KEL: variants seen among roughly 807,000 people sequenced by gnomAD.
KEL encodes the protein Kell metallo-endopeptidase (Kell blood group).
Under a neutral mutation model 99.5 loss-of-function variants are expected in KEL, and 96 were observed. The ratio of observed to expected loss-of-function variants is 0.97; its 90% CI spans 0.82 to 1.14. KEL has a LOEUF of 1.14. KEL is among the 50% of genes most tolerant of loss of function. KEL has a pLI of 0.00. For missense variants in KEL, 926 were observed against 924.2 expected, an observed-to-expected ratio of 1.00 and a Z score of -0.03; for synonymous variants, 355 against 354.8, an observed-to-expected ratio of 1.00 and a Z score of -0.01.
Position 142,954,199 on chromosome 7 carries a change from A to G in KEL, c.909T>C (p.Thr303=), listed in dbSNP as rs768701059. The change falls in exon 8 of 19, where the codon ACT becomes ACC. Residue 303 remains threonine, a synonymous_variant. Coordinates refer to ENST00000355265, the MANE Select transcript of KEL (RefSeq NM_000420.3). ...RAQGKLFQMV[T]IDQLKEMAPA... The stretch of plus-strand genomic sequence containing the variant: ...TTCCAGGCACCTTGAGCTGGTCGAT[A>G]GTGACCATCTGGAAGAGCTTGCCCT... 19 of 1,611,004 alleles carry G rather than the reference A, an allele frequency of 1.2e-5. No homozygotes were observed. The highest frequency in any genetic ancestry group is 1.6e-5 in the Non-Finnish European group (19 of 1,179,984).
At chr7:142,952,670 C>A (rs1487480263) in intron 9 of KEL, 32 bp from the exon 10 acceptor site, 1 of 1,613,160 alleles carries the variant, frequency 6.2e-7, no homozygotes, top group Non-Finnish European at 8.5e-7. Flanking sequence ...ACACATATAC[C>A]CCAGGAATCT....
At chr7:142,957,386 A>G (rs1056771736) in intron 6 of KEL, among the ~76,000 whole-genome samples, 9 of 152,102 alleles carry the variant, frequency 5.9e-5, no homozygotes, top group Non-Finnish European at 8.8e-5. Flanking sequence ...GGTGCTTGCA[A>G]AGCTTTACTA....
intron 18 of KEL, 111 bp downstream of exon 18, chr7:142,942,323 A>C (rs1796380553): frequency 1.3e-6 from 1 of 741,814 alleles, no homozygotes; most frequent in Admixed American, 2.0e-5. Flanking sequence ...TCTGCAGAAG[A>C]GGGTTTGGGG....
intron 12 of KEL, 66 bp from the exon 13 acceptor site, chr7:142,944,466 C>T (rs1004058043): frequency 9.4e-6 from 13 of 1,376,874 alleles, no homozygotes; most frequent in Middle Eastern, 1.8e-4. Context: ...TTCTCCCACT[C>T]GTTGCCCTGT....
rs200975047 is a variant in KEL, at chr7:142,961,411, G to A, written c.172C>T (p.Leu58Phe). 582 of 1,613,612 alleles carry A rather than the reference G, an allele frequency of 3.6e-4. 4 individuals carry two copies. The highest frequency in any genetic ancestry group is 2.2e-4 in the Admixed American group (13 of 60,010). Reference sequence around the variant, plus strand: ...AACAAAAGCACAGAAAAACAAAGGAGCAGGCCCAAAATCAGGATAGCTGTC... The same window carrying A: ...AACAAAAGCACAGAAAAACAAAGGAACAGGCCCAAAATCAGGATAGCTGTC... The part of the protein sequence containing the change: ...VLTAILILGL[L>F]LCFSVLLFYN... Residue 58 changes from leucine (L) to phenylalanine (F), a missense_variant, in exon 3 of 19, where the codon CTC (leucine) becomes TTC (phenylalanine). Physicochemically the swap from Leu to Phe is conservative, Grantham distance 22. Transcript: ENST00000355265.
chr7:142,956,666 C>T (rs1304697285), intron 6 of KEL, among the ~76,000 whole-genome samples: 1 of 152,164 alleles, frequency 6.6e-6, no homozygotes, highest in African/African-American at 2.4e-5. Flanking sequence ...AGCTTCACCT[C>T]CACTTGTGTG....
In KEL at chr7:142,953,655, C is replaced by T. The variant is rs8175997; in HGVS notation, c.1073+153G>A. Among the ~76,000 whole-genome samples the T allele has an allele frequency of 4.4e-3, 664 of 152,256 alleles. 7 individuals are homozygous for T. Among genetic ancestry groups the T allele is most frequent in the African/African-American group, 0.015 (630 of 41,544 alleles). Reference sequence around the variant, plus strand: ...CATCCTCTCTGTGCCACCCACCCCACGCTTCTCTGCCCGCACAGGTGGCAG... The same window carrying T: ...CATCCTCTCTGTGCCACCCACCCCATGCTTCTCTGCCCGCACAGGTGGCAG... On this transcript the variant is annotated intron_variant, in intron 9 of 18. Transcript: ENST00000355265.
chr7:142,953,674 G>A, intron 9 of KEL, 134 bp downstream of exon 9: 2 of 1,038,002 alleles, frequency 1.9e-6, no homozygotes. Flanking sequence ...GCCCGCACAG[G>A]TGGCAGGTTC....
rs1473126491 is a variant in KEL at position 142,954,241 on chromosome 7, C to T, written c.867G>A (p.Leu289=). ...GCTTGCCCTGTGCCCGCCGCTGCTCCAGGGGCCTCAGAAACTGGAACAGCC... is the reference window on the plus strand; with the variant it reads ...GCTTGCCCTGTGCCCGCCGCTGCTCTAGGGGCCTCAGAAACTGGAACAGCC... The part of the protein sequence containing the change: ...TSRLFQFLRP[L]EQRRAQGKLF... Residue 289 remains leucine (L), a synonymous_variant, in exon 8 of 19, where the codon CTG becomes CTA. Transcript: ENST00000355265. The T allele has an allele frequency of 2.5e-6, 4 of 1,613,918 alleles. No individual in the cohort carries two copies. The highest frequency in any genetic ancestry group is 3.4e-6 in the Non-Finnish European group (4 of 1,180,020).
chr7:142,951,271 T>A (rs1159396016), intron 10 of KEL, among the ~76,000 whole-genome samples: 1 of 152,204 alleles, frequency 6.6e-6, no homozygotes, highest in Non-Finnish European at 1.5e-5. Flanking sequence ...AGAAGTGCCA[T>A]GAGGCCATGG....
rs201447196 is a variant in KEL, at chr7:142,961,453, C to G, written c.130G>C (p.Val44Leu). The G allele has an allele frequency of 6.2e-7, 1 of 1,612,002 alleles. No homozygotes were observed. The highest frequency in any genetic ancestry group is 2.2e-5 in the East Asian group (1 of 44,830). Residue 44 changes from valine (V) to leucine (L), a missense_variant, in exon 3 of 19, where the codon GTG becomes CTG. Transcript: ENST00000355265. Reference sequence around the variant, plus strand: ...ATAGCTGTCAGCACCCGCCTGGCCACTGCCCATGGCCTGCTCCCTTCCACG... The same window carrying G: ...ATAGCTGTCAGCACCCGCCTGGCCAGTGCCCATGGCCTGCTCCCTTCCACG... Reference protein sequence around the residue: ...LPVEGSRPWAVARRVLTAILI... With the variant: ...LPVEGSRPWALARRVLTAILI...
rs759629874 is a variant in KEL, at chr7:142,961,865, C to T, written c.11G>A (p.Gly4Glu). ...CCTCGGCTCTTCCTCACTTTGGTCC[C>T]CACCTTCCTGAAGTGAGTGGAGGGA... is the stretch of plus-strand genomic sequence containing the variant. MEG[G>E]DQSEEEPRER... The change falls in exon 2 of 19, where the codon GGG (glycine) becomes GAG (glutamate). Residue 4 changes from glycine to glutamate, a missense_variant. Physicochemically the swap from Gly to Glu is moderately conservative, Grantham distance 98. Transcript: ENST00000355265. 3.7e-6 allele frequency: 6 copies of T among 1,614,080 alleles called. No individual in the cohort carries two copies. In the East Asian group the frequency reaches 1.1e-4, roughly 30 times the overall value.
intron 17 of KEL, 89 bp from the exon 18 acceptor site, chr7:142,942,618 C>A: frequency 9.8e-7 from 1 of 1,021,834 alleles, no homozygotes; most frequent in Non-Finnish European, 1.5e-6. Flanking sequence ...AACCCATGGC[C>A]CTTGCTCACT....
At chr7:142,955,546 A>C (rs1796809277) in intron 6 of KEL, among the ~76,000 whole-genome samples, 1 of 152,184 alleles carries the variant, frequency 6.6e-6, no homozygotes, top group Non-Finnish European at 1.5e-5. Context: ...ATAAAATACT[A>C]TTTATCATGA....
intron 11 of KEL, 55 bp downstream of exon 11, chr7:142,946,152 C>G: frequency 8.0e-7 from 1 of 1,257,808 alleles, no homozygotes. Context: ...AGAGGGAAGG[C>G]TGCTTTGGGT....
rs781359849 is a variant in KEL at position 142,942,992 on chromosome 7, G to T, written c.1824C>A (p.His608Gln). Residue 608 changes from histidine to glutamine, a missense_variant, in exon 17 of 19, where the codon CAC (histidine) becomes CAA (glutamine). Transcript: ENST00000355265. ...ACDNHALQEA[H>Q]LCLKRHYAAF... is the part of the protein sequence containing the mutation. ...CAGCATAATGGCGCTTCAGGCACAG[G>T]TGAGCTTCCTGGAGGGCATGGTTGT... 2.5e-6 allele frequency: 4 copies of T among 1,614,186 alleles called. No individual in the cohort carries two copies. The highest frequency in any genetic ancestry group is 3.4e-6 in the Non-Finnish European group (4 of 1,180,034).
chr7:142,945,263 C>T (rs1033931697), intron 11 of KEL, among the ~76,000 whole-genome samples: 3 of 152,224 alleles, frequency 2.0e-5, no homozygotes, highest in Non-Finnish European at 2.9e-5. Context: ...CATGTAAATC[C>T]TTTCCTGGAG....
intron 10 of KEL, among the ~76,000 whole-genome samples, chr7:142,949,189 T>C (rs1373869447): frequency 2.0e-5 from 3 of 152,176 alleles, no homozygotes; most frequent in South Asian, 2.1e-4. Flanking sequence ...GGTTTGGGGA[T>C]CAGGTGAAAT....
At chr7:142,955,115 C>A (rs879532415) in intron 6 of KEL, among the ~76,000 whole-genome samples, 1 of 152,178 alleles carries the variant, frequency 6.6e-6, no homozygotes. Context: ...CTCTGAACCT[C>A]TACTGCTTCA....
Sources: gnomAD v4.1 joint callset for allele counts (sites outside exome capture counted in the v4.1 genomes callset) on GRCh38, gnomAD v4.1.1 for gene constraint, MANE v1.5 for transcripts, NCBI Gene and HGNC (gene_info 2026-07-23, HGNC 2026-07-21) for gene names.